The following TTC21B variants were observed in gnomAD, a reference collection of about 807,000 sequenced individuals.
The protein encoded by TTC21B is tetratricopeptide repeat domain 21B, also known as tetratricopeptide repeat protein 21B.
Under a neutral mutation model 175.1 loss-of-function variants are expected in TTC21B, and 127 were observed. That is an observed-to-expected ratio of 0.73 (90% CI 0.63 to 0.84). The LOEUF is 0.84. TTC21B is among the 40% of genes least tolerant of loss of function. The pLI is 0.00. For missense variants in TTC21B, 1,561 were observed against 1,558.3 expected, an observed-to-expected ratio of 1.00 and a Z score of -0.03; for synonymous variants, 524 against 524.5, an observed-to-expected ratio of 1.00 and a Z score of 0.01.
intron 16 of TTC21B, among the ~76,000 whole-genome samples, 160 bp downstream of exon 16, chr2:165,913,410 CCTTT>C (rs1235135274): frequency 6.6e-6 from 1 of 152,084 alleles, no homozygotes; most frequent in Non-Finnish European, 1.5e-5. Flanking sequence ...TTGATATCTC[CCTTT>C]TATTTTATTT....
rs1426717257 is a variant in TTC21B at position 165,890,518 on chromosome 2, A to G, written c.3224T>C (p.Val1075Ala). 3 of 1,613,522 alleles carry G rather than the reference A, an allele frequency of 1.9e-6. No homozygotes were observed. Among genetic ancestry groups the G allele is most frequent in the Non-Finnish European group, 2.5e-6 (3 of 1,179,730 alleles). The change falls in exon 24 of 29, where the codon GTT (valine) becomes GCT (alanine). Residue 1075 changes from valine (V) to alanine (A), a missense_variant. Transcript: ENST00000243344. ...EICLNPDNETVGGEVFENLDG... is the reference protein window; with the variant it reads ...EICLNPDNETAGGEVFENLDG... Reference sequence around the variant, plus strand: ...CAGGTTTTCAAATACTTCACCTCCAACAGTTTCATTATCTGGATTCAAACA... The same window carrying G: ...CAGGTTTTCAAATACTTCACCTCCAGCAGTTTCATTATCTGGATTCAAACA...
chr2:165,876,181 A>G lies in TTC21B; in HGVS notation c.3857T>C (p.Ile1286Thr), dbSNP rs1039268887. Residue 1286 changes from isoleucine to threonine, a missense_variant, in exon 28 of 29, where the codon ATT becomes ACT. By Grantham distance (89) the Ile-to-Thr change is moderately conservative. Transcript: ENST00000243344. Reference protein sequence around the residue: ...YLKAKRYVDSIDICHQVLEAH... With the variant: ...YLKAKRYVDSTDICHQVLEAH... ...AGTGTTTACCTGGTGACATATGTCA[A>G]TTGAATCCACATATCTTTTTGCTTT... is the stretch of plus-strand genomic sequence containing the variant. The G allele has an allele frequency of 8.7e-6, 14 of 1,602,560 alleles. No individual in the cohort carries two copies. The highest frequency in any genetic ancestry group is 4.0e-5 in the African/African-American group (3 of 74,730).
chr2:165,893,165 A>T (rs1685251519), intron 22 of TTC21B, among the ~76,000 whole-genome samples: 1 of 152,210 alleles, frequency 6.6e-6, no homozygotes, highest in Non-Finnish European at 1.5e-5. Context: ...TTATTTTCTT[A>T]AAATAGGATT....
chr2:165,879,881 T>A (rs1272154921), intron 27 of TTC21B: 1 of 152,174 alleles, frequency 6.6e-6, no homozygotes, highest in Non-Finnish European at 1.5e-5. Context: ...GAATCCAATC[T>A]TAGGAAGAAT....
intron 13 of TTC21B, 139 bp downstream of exon 13, chr2:165,919,137 C>T (rs1686293368): frequency 3.0e-6 from 3 of 1,004,608 alleles, no homozygotes; most frequent in Non-Finnish European, 4.7e-6. Flanking sequence ...TTTCCTCCTA[C>T]TGCTTGTGAG....
rs139327086 is a variant in TTC21B, at chr2:165,874,774, C to T, written c.3932G>A (p.Arg1311His). Residue 1311 changes from arginine to histidine, a missense_variant, in exon 29 of 29, where the codon CGT (arginine) becomes CAT (histidine). Arg to His is a conservative substitution (Grantham distance 29, BLOSUM62 0). Transcript: ENST00000243344. Reference sequence around the variant, plus strand: ...TTATTTTCAAGGTCTTAAAGACGCACGGGCCTTATCAAGTATATCCTTTCT... The same window carrying T: ...TTATTTTCAAGGTCTTAAAGACGCATGGGCCTTATCAAGTATATCCTTTCT... ...KIRKDILDKARASLRP is the reference protein window; with the variant it reads ...KIRKDILDKAHASLRP The T allele has an allele frequency of 9.1e-4, 1,474 of 1,613,496 alleles. 2 individuals are homozygous for T. The highest frequency in any genetic ancestry group is 1.2e-3 in the Non-Finnish European group (1,423 of 1,179,704).
intron 27 of TTC21B, 132 bp from the exon 28 acceptor site, chr2:165,876,364 C>T (rs769100657): frequency 8.7e-6 from 6 of 686,354 alleles, no homozygotes; most frequent in Non-Finnish European, 1.3e-5. Flanking sequence ...CCAAACTACG[C>T]TATACAGAGA....
At chr2:165,912,065 C>A (rs1685970360) in intron 17 of TTC21B, among the ~76,000 whole-genome samples, 1 of 152,084 alleles carries the variant, frequency 6.6e-6, no homozygotes, top group South Asian at 2.1e-4. Flanking sequence ...CAAAGGCATA[C>A]ATTTTGCTAG....
chr2:165,930,781 C>T (rs1351944502), intron 8 of TTC21B, among the ~76,000 whole-genome samples: 8 of 92,560 alleles, frequency 8.6e-5, no homozygotes, highest in Admixed American at 3.1e-4. Context: ...TATATGTATG[C>T]TTTTTCTTAT....
intron 13 of TTC21B, among the ~76,000 whole-genome samples, chr2:165,918,208 T>C (rs1392071542): frequency 6.6e-6 from 1 of 152,220 alleles, no homozygotes; most frequent in Admixed American, 6.5e-5. Context: ...CTCAGAGATT[T>C]TGACTCAGTA....
At chr2:165,890,428 T>C (rs1685146604) in intron 24 of TTC21B, 51 bp downstream of exon 24, 1 of 1,568,018 alleles carries the variant, frequency 6.4e-7, no homozygotes, top group East Asian at 2.3e-5. Flanking sequence ...TCCCTGTTTA[T>C]TATCTCCAAC....
intron 1 of TTC21B, among the ~76,000 whole-genome samples, chr2:165,952,486 G>C (rs1687788821): frequency 1.3e-5 from 2 of 152,154 alleles, no homozygotes; most frequent in Admixed American, 6.5e-5. Flanking sequence ...GAGAGTATTG[G>C]ATGATGAGGT....
chr2:165,875,430 GA>G (rs901055693), intron 28 of TTC21B, among the ~76,000 whole-genome samples: 2 of 152,182 alleles, frequency 1.3e-5, no homozygotes, highest in Admixed American at 1.3e-4. Context: ...TGCTGTGTGG[GA>G]TAAGGGGCAT....
At position 165,888,217 on chromosome 2, in the gene TTC21B, T is replaced by C. The variant is rs1297976300; in HGVS notation, c.3459+62A>G. On this transcript the variant is annotated intron_variant, in intron 25 of 28. Transcript: ENST00000243344. ...TCAGAAAATAAACAACTAATCAAAA[T>C]ATATGTTTCTATACTACCAAATAAA... 3.9e-6 allele frequency: 5 copies of C among 1,273,868 alleles called. No homozygotes were observed. The African/African-American group carries it at 6.0e-5, about 15-fold the overall frequency. 78.9% of individuals were successfully genotyped at this position (1,273,868 alleles called of 1,614,324 possible).
chr2:165,921,403 G>C (rs1224454030), intron 12 of TTC21B, among the ~76,000 whole-genome samples: 1 of 152,176 alleles, frequency 6.6e-6, no homozygotes, highest in Non-Finnish European at 1.5e-5. Context: ...GGCAATGGAA[G>C]CTTTACATCT....
chr2:165,914,843 T>A (rs1172192417), intron 15 of TTC21B, among the ~76,000 whole-genome samples: 1 of 152,104 alleles, frequency 6.6e-6, no homozygotes, highest in Non-Finnish European at 1.5e-5. Context: ...TATCGACTAA[T>A]AAATACACCT....
intron 6 of TTC21B, 35 bp from the exon 7 acceptor site, chr2:165,933,092 A>G (rs1686973685): frequency 6.3e-7 from 1 of 1,584,116 alleles, no homozygotes. Flanking sequence ...GTCAAAATAA[A>G]TTTATATATT....
rs767048001 is a variant in TTC21B, at chr2:165,917,366, C to T, written c.1790G>A (p.Arg597Lys). The change falls in exon 14 of 29, where the codon AGA becomes AAA. Residue 597 changes from arginine (R) to lysine (K), a missense_variant. Coordinates refer to ENST00000243344, the MANE Select transcript of TTC21B (RefSeq NM_024753.5). ...HMAMSLPGMK[R>K]IGASTKSKDR... is the part of the protein sequence containing the mutation. Reference sequence around the variant, plus strand: ...TTTTGATTTTGTGGAAGCTCCAATTCTTTTCATTCCTGGTAAACTCATTGC... The same window carrying T: ...TTTTGATTTTGTGGAAGCTCCAATTTTTTTCATTCCTGGTAAACTCATTGC... 1 of 1,614,142 alleles carries T rather than the reference C, an allele frequency of 6.2e-7. No homozygotes were observed. The highest frequency in any genetic ancestry group is 8.5e-7 in the Non-Finnish European group (1 of 1,180,022).
At chr2:165,898,067 T>C (rs1291262237) in intron 22 of TTC21B, among the ~76,000 whole-genome samples, 1 of 152,280 alleles carries the variant, frequency 6.6e-6, no homozygotes, top group African/African-American at 2.4e-5. Flanking sequence ...CGAGAAGAAC[T>C]GAGGAAGGGC....
Sources: allele counts gnomAD v4.1 joint callset (sites outside exome capture counted in the v4.1 genomes callset), GRCh38; gene constraint gnomAD v4.1.1; transcripts MANE v1.5; gene names NCBI Gene and HGNC (gene_info 2026-07-23, HGNC 2026-07-21).